GRM5: variants seen among roughly 807,000 people sequenced by gnomAD.
GRM5 encodes the protein metabotropic glutamate receptor 5.
In GRM5, 19 loss-of-function variants were observed where a neutral mutation model predicts 83.1. The ratio of observed to expected loss-of-function variants is 0.23; its 90% confidence interval spans 0.16 to 0.34. GRM5 has a LOEUF of 0.34. GRM5 is among the 10% of genes least tolerant of loss of function. The pLI is 1.00. For missense variants in GRM5, 1,160 were observed against 1,588.3 expected, an observed-to-expected ratio of 0.73 and a Z score of 4.58; for synonymous variants, 675 against 633.6, an observed-to-expected ratio of 1.07 and a Z score of -0.98.
intron 1 of GRM5, chr11:89,063,593 C>T (rs1037325625): frequency 2.6e-5 from 4 of 152,298 alleles, no homozygotes; most frequent in Non-Finnish European, 5.9e-5. Flanking sequence ...CGGCTTCCCC[C>T]CCAAGATGAT....
At chr11:88,943,792 C>T (rs1252863100) in intron 2 of GRM5, among the ~76,000 whole-genome samples, 22 of 151,868 alleles carry the variant, frequency 1.4e-4, no homozygotes, top group Non-Finnish European at 3.2e-4. Flanking sequence ...TCTTTTTGTT[C>T]TAATAAACTA....
intron 2 of GRM5, among the ~76,000 whole-genome samples, chr11:88,871,109 T>A (rs1010809755): frequency 6.6e-6 from 1 of 151,578 alleles, no homozygotes; most frequent in Non-Finnish European, 1.5e-5. Context: ...ATCAATGACA[T>A]CTAACATTAT....
At chr11:88,991,695 C>G in intron 2 of GRM5, among the ~76,000 whole-genome samples, 1 of 151,680 alleles carries the variant, frequency 6.6e-6, no homozygotes, top group Non-Finnish European at 1.5e-5. Flanking sequence ...ACAGAGCCCT[C>G]AGAAATAACG....
At position 88,646,353 on chromosome 11, in the gene GRM5, ATAACTGTGCCATT is replaced by A. The variant is rs535196993; in HGVS notation, c.1147+6802_1147+6814del. On this transcript the variant is annotated intron_variant, in intron 4 of 9. Transcript: ENST00000305447. Reference sequence around the variant, plus strand: ...ATTCGACTTATAATTTAAGTTTTCCATAACTGTGCCATTTAAGTAAAACATACTGAAGTCAGGC... The same window carrying A: ...ATTCGACTTATAATTTAAGTTTTCCATAAGTAAAACATACTGAAGTCAGGC... Among the ~76,000 whole-genome samples, 679 of 101,306 alleles carry A rather than the reference ATAACTGTGCCATT, an allele frequency of 6.7e-3. 2 individuals carry two copies. Among genetic ancestry groups the A allele is most frequent in the African/African-American group, 0.016 (630 of 39,552 alleles). 66.5% of individuals were successfully genotyped at this position (101,306 alleles called of 152,430 possible).
rs963142001 is a variant in GRM5 at position 88,668,260 on chromosome 11, A to G, written c.912-14857T>C. Among the ~76,000 whole-genome samples the G allele has an allele frequency of 2.0e-5, 3 of 147,744 alleles. No individual in the cohort carries two copies. In the Admixed American group the frequency reaches 2.0e-4, roughly 10 times the overall value. ...GACAGAATAATTTTATATCTCTTAAATCAGTGGAAGTTTATTTAAAACATC... is the reference window on the plus strand; with the variant it reads ...GACAGAATAATTTTATATCTCTTAAGTCAGTGGAAGTTTATTTAAAACATC... On this transcript the variant is annotated intron_variant, in intron 3 of 9. Coordinates refer to ENST00000305447, the MANE Select transcript of GRM5 (RefSeq NM_001143831.3).
At chr11:88,702,694 T>C (rs1431421135) in intron 3 of GRM5, among the ~76,000 whole-genome samples, 1 of 152,092 alleles carries the variant, frequency 6.6e-6, no homozygotes, top group Admixed American at 6.6e-5. Context: ...TAGAATGTAA[T>C]CATATATGGA....
At chr11:88,828,565 C>G (rs1008344930) in intron 3 of GRM5, among the ~76,000 whole-genome samples, 1 of 151,936 alleles carries the variant, frequency 6.6e-6, no homozygotes, top group Non-Finnish European at 1.5e-5. Flanking sequence ...AGTAAAATAA[C>G]AAACCAATCC....
intron 2 of GRM5, among the ~76,000 whole-genome samples, chr11:88,854,812 A>G (rs1944444888): frequency 6.6e-6 from 1 of 151,918 alleles, no homozygotes; most frequent in Admixed American, 6.6e-5. Flanking sequence ...TTATAAAATA[A>G]AAAACTTTCT....
At chr11:89,063,706 G>A (rs1486483030) in intron 1 of GRM5, 4 of 152,228 alleles carry the variant, frequency 2.6e-5, no homozygotes, top group Non-Finnish European at 4.4e-5. Context: ...GGGGGGAAGG[G>A]GAGAGAGCGG....
intron 8 of GRM5, among the ~76,000 whole-genome samples, chr11:88,539,926 G>T (rs529535716): frequency 2.6e-5 from 4 of 152,074 alleles, no homozygotes; most frequent in Non-Finnish European, 4.4e-5. Flanking sequence ...TTAAATATCT[G>T]CCTGACTACT....
At position 88,508,559 on chromosome 11, in the gene GRM5, GC is replaced by G. The variant is rs1565315182; in HGVS notation, c.*32del. The G allele has an allele frequency of 6.4e-7, 1 of 1,573,324 alleles. No homozygotes were observed. Among genetic ancestry groups the G allele is most frequent in the Non-Finnish European group, 8.7e-7 (1 of 1,148,496 alleles). Reference sequence around the variant, plus strand: ...GTGTGAACACGGGGGGCTCCGCTCCGCACGCGCAGGCCGGCGTGCTTTCCAG... The same window carrying G: ...GTGTGAACACGGGGGGCTCCGCTCCGACGCGCAGGCCGGCGTGCTTTCCAG... On this transcript the variant is annotated 3_prime_UTR_variant, in exon 10 of 10. Transcript: ENST00000305447. This position sits in a 1 kb window ranked among gnomAD's most constrained non-coding sequence, Gnocchi z 4.2.
At chr11:88,857,562 C>T (rs543859943) in intron 2 of GRM5, among the ~76,000 whole-genome samples, 3 of 152,126 alleles carry the variant, frequency 2.0e-5, no homozygotes, top group Non-Finnish European at 4.4e-5. Context: ...GACAGTGAAG[C>T]ACCTCTTCTT....
At chr11:89,065,219 T>C (rs776243479) in intron 1 of GRM5, among the ~76,000 whole-genome samples, 6 of 151,378 alleles carry the variant, frequency 4.0e-5, no homozygotes, top group Non-Finnish European at 7.4e-5. Context: ...AAACACCTAA[T>C]GGGCTCAAAG....
chr11:88,921,008 A>C (rs187219423), intron 2 of GRM5, among the ~76,000 whole-genome samples: 5 of 152,286 alleles, frequency 3.3e-5, no homozygotes, highest in Admixed American at 2.0e-4. Context: ...GATATCAGCA[A>C]ATTAATAGAA....
chr11:89,003,549 C>CT (rs1940446001), intron 2 of GRM5, among the ~76,000 whole-genome samples: 1 of 152,016 alleles, frequency 6.6e-6, no homozygotes, highest in South Asian at 2.1e-4. Flanking sequence ...CTGGAGAACT[C>CT]TAAGAATAAC....
chr11:88,575,239 T>C (rs1171583529), intron 7 of GRM5, among the ~76,000 whole-genome samples: 2 of 152,190 alleles, frequency 1.3e-5, no homozygotes, highest in Admixed American at 6.5e-5. Context: ...CTAACATTTA[T>C]TGAATGCCTA....
chr11:88,747,498 A>C (rs1942168099), intron 3 of GRM5, among the ~76,000 whole-genome samples: 1 of 152,150 alleles, frequency 6.6e-6, no homozygotes, highest in African/African-American at 2.4e-5. Flanking sequence ...TGTACCTCTA[A>C]ATTTTAAAAA....
intron 8 of GRM5, among the ~76,000 whole-genome samples, chr11:88,547,051 A>T (rs1942398751): frequency 6.6e-6 from 1 of 152,140 alleles, no homozygotes; most frequent in South Asian, 2.1e-4. Context: ...TAAAATGAGG[A>T]TACAAAATCA....
rs201320798 is a variant in GRM5 at position 88,850,085 on chromosome 11, G to A, written c.732C>T (p.His244=). 6 of 1,476,784 alleles carry A rather than the reference G, an allele frequency of 4.1e-6. No homozygotes were observed. Among genetic ancestry groups the A allele is most frequent in the Non-Finnish European group, 5.7e-6 (6 of 1,054,714 alleles). 91.5% of individuals were successfully genotyped at this position (1,476,784 alleles called of 1,614,324 possible). A position where few individuals can be genotyped will look rare whatever the true frequency, so the allele number is the denominator to read the frequency against. ...MSAKEGICIA[H]SYKIYSNAGE... is the part of the protein sequence containing the mutation. Reference sequence around the variant, plus strand: ...CTGCATTACTGTAGATTTTGTAAGAGTGGGCGATGCAAATCCCTTCCTTCG... The same window carrying A: ...CTGCATTACTGTAGATTTTGTAAGAATGGGCGATGCAAATCCCTTCCTTCG... Residue 244 remains histidine, a synonymous_variant, in exon 3 of 10, where the codon CAC becomes CAT. Coordinates refer to ENST00000305447, the MANE Select transcript of GRM5 (RefSeq NM_001143831.3).
Sources: gnomAD v4.1 joint callset for allele counts (sites outside exome capture counted in the v4.1 genomes callset) on GRCh38, gnomAD v4.1.1 for gene constraint, Gnocchi (gnomAD v3.1) non-coding constraint, MANE v1.5 for transcripts, NCBI Gene and HGNC (gene_info 2026-07-23, HGNC 2026-07-21) for gene names.